The following CPLX1 variants were observed in gnomAD, a reference collection of about 807,000 sequenced individuals.
CPLX1 encodes complexin 1.
In CPLX1, 6 loss-of-function variants were observed where a neutral mutation model predicts 15.6. The ratio of observed to expected loss-of-function variants is 0.39; its 90% CI spans 0.21 to 0.76. CPLX1 has a LOEUF of 0.76. Ranked by LOEUF, CPLX1 falls within the 30% of genes least tolerant of loss-of-function variation. The pLI, the probability that CPLX1 is intolerant of heterozygous loss-of-function variation, is 0.43. For missense variants in CPLX1, 242 were observed against 188.6 expected, an observed-to-expected ratio of 1.28 and a Z score of -1.66; for synonymous variants, 91 against 75.2, an observed-to-expected ratio of 1.21 and a Z score of -1.08.
At chr4:825,447 C>G (rs1057020180) in intron 1 of CPLX1, among the ~76,000 whole-genome samples, 2 of 151,598 alleles carry the variant, frequency 1.3e-5, no homozygotes, top group Admixed American at 6.5e-5. Flanking sequence ...GCCGCAGCGC[C>G]GATTCTCCTC....
chr4:797,706 G>T (rs549892461), intron 2 of CPLX1, among the ~76,000 whole-genome samples: 1 of 151,510 alleles, frequency 6.6e-6, no homozygotes, highest in Non-Finnish European at 1.5e-5. Flanking sequence ...GGCCAAGACC[G>T]GCGGATCACG....
intron 2 of CPLX1, among the ~76,000 whole-genome samples, chr4:819,526 C>T (rs145822802): frequency 4.5e-4 from 68 of 152,358 alleles, no homozygotes; most frequent in African/African-American, 1.6e-3. Context: ...TTGCAAACTG[C>T]CTTTCGAGCA....
At position 816,726 on chromosome 4, in the gene CPLX1, G is replaced by A. The variant is rs1746763854; in HGVS notation, c.31+7766C>T. On this transcript the variant is annotated intron_variant, in intron 2 of 3. Transcript: ENST00000304062. ...AGTCCCAGTTATTCAGGAGGCTAAG[G>A]TAGAAGGCTCACTTGAGCCCGGGAT... Among the ~76,000 whole-genome samples, 6 of 152,114 alleles carry A rather than the reference G, an allele frequency of 3.9e-5. No homozygotes were observed. In the South Asian group the frequency reaches 1.2e-3, roughly 32 times the overall value.
Position 824,488 on chromosome 4 carries a change from CT to C in CPLX1, c.31+3del. The C allele has an allele frequency of 6.2e-7, 1 of 1,612,706 alleles. No individual in the cohort carries two copies. Among genetic ancestry groups the C allele is most frequent in the Non-Finnish European group, 8.5e-7 (1 of 1,179,612 alleles). The stretch of plus-strand genomic sequence containing the variant: ...CCCTCCCCACCCCACCTCCCGCTTC[CT>C]ACCTCCTAGAGCCTGCTTCATCACA... On this transcript the variant is annotated splice_donor_region_variant and intron_variant, in intron 2 of 3. Coordinates refer to ENST00000304062, the MANE Select transcript of CPLX1 (RefSeq NM_006651.4).
intron 2 of CPLX1, among the ~76,000 whole-genome samples, chr4:808,832 T>C (rs1008228410): frequency 2.6e-5 from 4 of 152,286 alleles, no homozygotes; most frequent in Non-Finnish European, 5.9e-5. Context: ...GAACGATGTC[T>C]AAGAATTCAC....
rs1745989794 is a variant in CPLX1, at chr4:786,417, G to A, written c.*84C>T. On this transcript the variant is annotated 3_prime_UTR_variant, in exon 4 of 4. Transcript: ENST00000304062. ...TGGCTTATATCGGCGTGGGGGCTGC[G>A]CTCTGCTCGTCCCTCAGGGGCCTCC... 15 of 1,419,158 alleles carry A rather than the reference G, an allele frequency of 1.1e-5. No homozygotes were observed. The highest frequency in any genetic ancestry group is 1.5e-5 in the African/African-American group (1 of 68,398). 87.9% of individuals were successfully genotyped at this position (1,419,158 alleles called of 1,614,324 possible).
chr4:786,625 A>C lies in CPLX1; in HGVS notation c.281T>G (p.Leu94Trp), dbSNP rs749605369. ...AAMEANSEGS[L>W]TRPKKAIPPG... ...CGGGATGGCCTTCTTGGGCCGCGTC[A>C]AGCTCCCCTCGGAGTTGGCCTCCAT... Residue 94 changes from leucine (L) to tryptophan (W), a missense_variant, in exon 4 of 4, where the codon TTG becomes TGG. Physicochemically the swap from Leu to Trp is moderately conservative, Grantham distance 61. Coordinates refer to ENST00000304062, the MANE Select transcript of CPLX1 (RefSeq NM_006651.4). 4 of 1,612,064 alleles carry C rather than the reference A, an allele frequency of 2.5e-6. No individual in the cohort carries two copies. Among genetic ancestry groups the C allele is most frequent in the Admixed American group, 3.3e-5 (2 of 59,934 alleles).
chr4:787,084 A>C (rs1746019628), intron 3 of CPLX1: 1 of 985,164 alleles, frequency 1.0e-6, no homozygotes, highest in Admixed American at 6.1e-5. Flanking sequence ...AGAGGTGGGG[A>C]GAAACAGTCA....
chr4:810,040 G>A (rs1452749620), intron 2 of CPLX1, among the ~76,000 whole-genome samples: 1 of 146,724 alleles, frequency 6.8e-6, no homozygotes, highest in Non-Finnish European at 1.5e-5. Context: ...GTGTGGATCT[G>A]CACTTTCTTT....
At chr4:808,868 A>C (rs1027463994) in intron 2 of CPLX1, among the ~76,000 whole-genome samples, 1 of 152,286 alleles carries the variant, frequency 6.6e-6, no homozygotes. Context: ...AACATTCAAG[A>C]AACAGATAAT....
At chr4:810,105 A>G (rs1031637866) in intron 2 of CPLX1, among the ~76,000 whole-genome samples, 3 of 141,662 alleles carry the variant, frequency 2.1e-5, no homozygotes, top group Non-Finnish European at 4.5e-5. Flanking sequence ...GCTGGAGTGC[A>G]GTGGCATGAT....
chr4:803,591 G>T (rs1318702196), intron 2 of CPLX1, among the ~76,000 whole-genome samples: 1 of 151,478 alleles, frequency 6.6e-6, no homozygotes, highest in Non-Finnish European at 1.5e-5. Flanking sequence ...TAGAGACGGG[G>T]TTTCACCGTG....
intron 3 of CPLX1, chr4:788,573 C>T (rs894853372): frequency 5.1e-6 from 5 of 985,380 alleles, no homozygotes; most frequent in Non-Finnish European, 4.8e-6. Flanking sequence ...CCAGAGGGCC[C>T]TGCAGGCCCA....
At chr4:786,758 T>G (rs1352741519) in intron 3 of CPLX1, 60 bp from the exon 4 acceptor site, 7 of 1,528,556 alleles carry the variant, frequency 4.6e-6, no homozygotes, top group Non-Finnish European at 6.1e-6. Flanking sequence ...GGCCGCAGCC[T>G]CCCTGCGCCA....
intron 2 of CPLX1, among the ~76,000 whole-genome samples, chr4:810,960 G>C (rs1746657354): frequency 6.6e-6 from 1 of 151,910 alleles, no homozygotes; most frequent in Non-Finnish European, 1.5e-5. Context: ...GCCTCCCAAA[G>C]TGCTGGGATT....
At position 792,516 on chromosome 4, in the gene CPLX1, G is replaced by A. The variant is rs745821806; in HGVS notation, c.124C>T (p.Arg42Cys). 1.6e-5 allele frequency: 26 copies of A among 1,613,156 alleles called. No homozygotes were observed. Among genetic ancestry groups the A allele is most frequent in the South Asian group, 7.7e-5 (7 of 91,068 alleles). The change falls in exon 3 of 4, where the codon CGC (arginine) becomes TGC (cysteine). Residue 42 changes from arginine to cysteine, a missense_variant. Physicochemically the swap from Arg to Cys is radical, Grantham distance 180. Transcript: ENST00000304062. The part of the protein sequence containing the change: ...KKEEERQEAL[R>C]QAEEERKAKY... Reference sequence around the variant, plus strand: ...GCCTTGCGCTCCTCCTCCGCCTGGCGCAGCGCCTCCTGCCGCTCCTCCTCC... The same window carrying A: ...GCCTTGCGCTCCTCCTCCGCCTGGCACAGCGCCTCCTGCCGCTCCTCCTCC...
intron 2 of CPLX1, among the ~76,000 whole-genome samples, chr4:821,031 A>C (rs1746852616): frequency 6.6e-6 from 1 of 151,864 alleles, no homozygotes; most frequent in Non-Finnish European, 1.5e-5. Flanking sequence ...CCAGGACCGC[A>C]CCCCTACGGT....
At chr4:814,985 A>G (rs1295105771) in intron 2 of CPLX1, among the ~76,000 whole-genome samples, 2 of 152,264 alleles carry the variant, frequency 1.3e-5, no homozygotes, top group African/African-American at 4.8e-5. Flanking sequence ...GGCTCCCAAA[A>G]CAGAGCTCAG....
At chr4:825,961 G>GGGGAGAAGCC (rs1746979536) in intron 1 of CPLX1, 85 bp downstream of exon 1, 1 of 11,010 alleles carries the variant, frequency 9.1e-5, no homozygotes, top group South Asian at 3.8e-3. Flanking sequence ...GGGGAGAAGC[G>GGGGAGAAGCC]GGGGCCGGGG....
Sources: gnomAD v4.1 joint callset for allele counts (sites outside exome capture counted in the v4.1 genomes callset) on GRCh38, gnomAD v4.1.1 for gene constraint, MANE v1.5 for transcripts, NCBI Gene and HGNC (gene_info 2026-07-23, HGNC 2026-07-21) for gene names.